ADAMTS7: variants seen among roughly 807,000 people sequenced by gnomAD.
ADAMTS7 encodes the protein ADAM metallopeptidase with thrombospondin type 1 motif 7.
ADAMTS7 carries 89 observed loss-of-function variants against 172.6 expected under a neutral mutation model. The observed-to-expected ratio is 0.52, with a 90% CI of 0.43 to 0.61. The LOEUF is 0.61. Ranked by LOEUF, ADAMTS7 falls within the 20% of genes least tolerant of loss-of-function variation. The pLI, the probability that ADAMTS7 is intolerant of heterozygous loss-of-function variation, is 0.00. For missense variants in ADAMTS7, 1,973 were observed against 2,355.6 expected (o/e 0.84, Z 3.36); for synonymous variants, 885 against 978.4 (o/e 0.90, Z 1.78).
At chr15:78,759,717 A>G (rs1641675128) in intron 23 of ADAMTS7, 139 bp from the exon 24 acceptor site, 4 of 1,148,946 alleles carry the variant, frequency 3.5e-6, no homozygotes, top group Non-Finnish European at 4.7e-6. Context: ...CGGCTCCCGA[A>G]CCGGAGTTGC....
chr15:78,787,347 G>A (rs1337232325), intron 8 of ADAMTS7, among the ~76,000 whole-genome samples: 112 of 106,268 alleles, frequency 1.1e-3, no homozygotes, highest in Admixed American at 1.9e-3. Context: ...TAGCAAATTT[G>A]AAAAAAAAAA....
At chr15:78,776,127 C>A (rs1162606654) in intron 11 of ADAMTS7, 61 bp downstream of exon 11, 2 of 1,534,530 alleles carry the variant, frequency 1.3e-6, no homozygotes, top group African/African-American at 1.4e-5. Context: ...CTCCTGCAAT[C>A]GGCTGACTGT....
In ADAMTS7 at chr15:78,796,594, T is replaced by C. The variant is rs763685721; in HGVS notation, c.815A>G (p.Asn272Ser). The change falls in exon 4 of 24, where the codon AAC (asparagine) becomes AGC (serine). Residue 272 changes from asparagine (N) to serine (S), a missense_variant. Asn to Ser is a conservative substitution (Grantham distance 46, BLOSUM62 1). Around this residue, in one of 8 missense-constraint regions of ADAMTS7, gnomAD observed 526 missense variants for 662.9 expected, o/e 0.79. Coordinates refer to ENST00000388820, the MANE Select transcript of ADAMTS7 (RefSeq NM_014272.5). Reference sequence around the variant, plus strand: ...TCCTGGCCCACACAGACTCACCATGTTCATGATGGTCAGCACATAGCTCTC... The same window carrying C: ...TCCTGGCCCACACAGACTCACCATGCTCATGATGGTCAGCACATAGCTCTC... ...QVESYVLTIM[N>S]MVAGLFHDPS... 1 of 1,607,730 alleles carries C rather than the reference T, an allele frequency of 6.2e-7. No homozygotes were observed. The highest frequency in any genetic ancestry group is 1.3e-5 in the African/African-American group (1 of 74,736).
chr15:78,803,699 C>T (rs1279948048), intron 1 of ADAMTS7, among the ~76,000 whole-genome samples: 1 of 152,242 alleles, frequency 6.6e-6, no homozygotes, highest in East Asian at 1.9e-4. Flanking sequence ...GTGATCCACT[C>T]ACCTCAGACT....
In ADAMTS7 at chr15:78,759,280, T is replaced by G; in HGVS notation, c.*141A>C. 12 of 695,958 alleles carry G rather than the reference T, an allele frequency of 1.7e-5. No individual in the cohort carries two copies. The highest frequency in any genetic ancestry group is 2.6e-5 in the Non-Finnish European group (12 of 458,258). The allele number at this position is 695,958 out of a possible 1,614,324, so 43.1% of individuals were successfully genotyped here. A position where few individuals can be genotyped will look rare whatever the true frequency, so the allele number is the denominator to read the frequency against. On this transcript the variant is annotated 3_prime_UTR_variant, in exon 24 of 24. Transcript: ENST00000388820. ...AAACTGTTAGAATAAAAAAATACCT[T>G]TTTTGAGGGGGAGGAGGTCCCCAGC...
At chr15:78,801,522 A>G (rs569247509) in intron 1 of ADAMTS7, among the ~76,000 whole-genome samples, 2 of 151,422 alleles carry the variant, frequency 1.3e-5, no homozygotes. Flanking sequence ...TAAAATTGCA[A>G]CTCCCTAGCT....
chr15:78,785,991 G>T (rs1320740665), intron 8 of ADAMTS7, among the ~76,000 whole-genome samples: 6 of 149,676 alleles, frequency 4.0e-5, no homozygotes, highest in Non-Finnish European at 6.0e-5. Context: ...GTGCAGTGGC[G>T]CGATCTTGGC....
chr15:78,808,878 T>C (rs1341897676), intron 1 of ADAMTS7, among the ~76,000 whole-genome samples: 1 of 152,204 alleles, frequency 6.6e-6, no homozygotes, highest in Non-Finnish European at 1.5e-5. Context: ...TCCTGCCACA[T>C]TGGGTGTTAA....
chr15:78,796,647 C>A lies in ADAMTS7; in HGVS notation c.762G>T (p.Met254Ile). ...CCTGCGGCTGTCCGTGGTACTCCACCATTTTGGCATCAGCTACTACCAGGG... is the reference window on the plus strand; with the variant it reads ...CCTGCGGCTGTCCGTGGTACTCCACAATTTTGGCATCAGCTACTACCAGGG... ...VETLVVADAK[M>I]VEYHGQPQVE... Residue 254 changes from methionine to isoleucine, a missense_variant, in exon 4 of 24, where the codon ATG becomes ATT. Transcript: ENST00000388820. 6.2e-7 allele frequency: 1 copy of A among 1,614,122 alleles called. No individual in the cohort carries two copies. The highest frequency in any genetic ancestry group is 8.5e-7 in the Non-Finnish European group (1 of 1,180,010).
At chr15:78,762,958 C>G (rs1170294056) in intron 22 of ADAMTS7, among the ~76,000 whole-genome samples, 1 of 152,204 alleles carries the variant, frequency 6.6e-6, no homozygotes, top group Non-Finnish European at 1.5e-5. Context: ...GAGGACCTGC[C>G]GCAGCCCATG....
At chr15:78,795,495 T>C (rs2055631283) in intron 4 of ADAMTS7, among the ~76,000 whole-genome samples, 3 of 152,162 alleles carry the variant, frequency 2.0e-5, no homozygotes, top group Admixed American at 1.3e-4. Flanking sequence ...CTTCCTCTCT[T>C]TGAGCCTCAG....
Position 78,774,674 on chromosome 15 carries a change from G to T in ADAMTS7, c.1826C>A (p.Ala609Asp), listed in dbSNP as rs746200440. Residue 609 changes from alanine (A) to aspartate (D), a missense_variant, in exon 12 of 24, where the codon GCT becomes GAT. By Grantham distance (126) the Ala-to-Asp change is moderately radical. Coordinates refer to ENST00000388820, the MANE Select transcript of ADAMTS7 (RefSeq NM_014272.5). ...FRHVQCSHFDAMLYKGQLHTW... is the reference protein window; with the variant it reads ...FRHVQCSHFDDMLYKGQLHTW... Reference sequence around the variant, plus strand: ...GTGCAGCTGGCCCTTGTAGAGCATAGCGTCAAAGTGGCTGCACTGGACGTG... The same window carrying T: ...GTGCAGCTGGCCCTTGTAGAGCATATCGTCAAAGTGGCTGCACTGGACGTG... 2 of 1,611,704 alleles carry T rather than the reference G, an allele frequency of 1.2e-6. No homozygotes were observed. The highest frequency in any genetic ancestry group is 1.7e-6 in the Non-Finnish European group (2 of 1,179,824).
Position 78,759,488 on chromosome 15 carries a change from C to A in ADAMTS7, c.4994G>T (p.Cys1665Phe). Residue 1665 changes from cysteine to phenylalanine, a missense_variant, in exon 24 of 24, where the codon TGC becomes TTC. By Grantham distance (205) the Cys-to-Phe change is radical. Transcript: ENST00000388820. ...GTGGCTGGGCGGAGAGCACGAGCGGCAGCACTGGGTGCGGATGGTGGGCAG... is the reference window on the plus strand; with the variant it reads ...GTGGCTGGGCGGAGAGCACGAGCGGAAGCACTGGGTGCGGATGGTGGGCAG... ...CQLPTIRTQC[C>F]RSCSPPSHGA... is the part of the protein sequence containing the mutation. 1 of 1,597,538 alleles carries A rather than the reference C, an allele frequency of 6.3e-7. No individual in the cohort carries two copies.
In ADAMTS7 at chr15:78,763,942, G is replaced by A; in HGVS notation, c.4577C>T (p.Thr1526Ile). 6.5e-7 allele frequency: 1 copy of A among 1,548,566 alleles called. No homozygotes were observed. The highest frequency in any genetic ancestry group is 8.7e-7 in the Non-Finnish European group (1 of 1,145,898). Residue 1526 changes from threonine to isoleucine, a missense_variant, in exon 21 of 24, where the codon ACA (threonine) becomes ATA (isoleucine). Physicochemically the swap from Thr to Ile is moderately conservative, Grantham distance 89. This residue lies in a region of ADAMTS7 where 218 missense variants were observed against 216.9 expected (regional missense o/e 1.01). Coordinates refer to ENST00000388820, the MANE Select transcript of ADAMTS7 (RefSeq NM_014272.5). ...AGGCCTCACCTCCCTCCAGGAAGAT[G>A]TGTACCAGCTGAGGCAGGGCTGGGC... Reference protein sequence around the residue: ...CGAQPCLSWYTSSWRECSEAC... With the variant: ...CGAQPCLSWYISSWRECSEAC...
intron 22 of ADAMTS7, among the ~76,000 whole-genome samples, chr15:78,763,146 AGAT>A (rs1473220016): frequency 6.6e-6 from 1 of 152,202 alleles, no homozygotes; most frequent in Non-Finnish European, 1.5e-5. Flanking sequence ...CCAGTTTTAC[AGAT>A]GAGAAAACAG....
At chr15:78,783,740 G>A (rs1333631035) in intron 8 of ADAMTS7, among the ~76,000 whole-genome samples, 2 of 152,182 alleles carry the variant, frequency 1.3e-5, no homozygotes, top group Non-Finnish European at 1.5e-5. Flanking sequence ...ATCAAAAGGT[G>A]CACAGGTTGA....
intron 2 of ADAMTS7, 73 bp from the exon 3 acceptor site, chr15:78,798,186 C>T (rs1022698403): frequency 2.3e-5 from 33 of 1,427,666 alleles, no homozygotes; most frequent in East Asian, 1.6e-4. Context: ...CCCAGAGGCC[C>T]GTCCTGCTCA....
chr15:78,791,206 A>G lies in ADAMTS7; in HGVS notation c.837T>C (p.His279=), dbSNP rs61753868. 1 of 1,613,250 alleles carries G rather than the reference A, an allele frequency of 6.2e-7. No individual in the cohort carries two copies. Among genetic ancestry groups the G allele is most frequent in the Non-Finnish European group, 8.5e-7 (1 of 1,179,644 alleles). Residue 279 remains histidine, a synonymous_variant, in exon 5 of 24, where the codon CAT becomes CAC. Coordinates refer to ENST00000388820, the MANE Select transcript of ADAMTS7 (RefSeq NM_014272.5). The part of the protein sequence containing the change: ...TIMNMVAGLF[H]DPSIGNPIHI... ...GGATGGGGTTCCCAATGCTGGGGTC[A>G]TGAAACAGGCCAGCCACCTGCCCAA...
chr15:78,766,561 G>A lies in ADAMTS7; in HGVS notation c.3350C>T (p.Pro1117Leu), dbSNP rs2055154607. The change falls in exon 19 of 24, where the codon CCT (proline) becomes CTT (leucine). Residue 1117 changes from proline (P) to leucine (L), a missense_variant. Transcript: ENST00000388820. ...TGSPVPATEP[P>L]AAKEEGVLGP... ...CAGTACCCCCTCCTCCTTGGCTGCA[G>A]GAGGCTCTGTGGCAGGCACGGGGCT... The A allele has an allele frequency of 6.2e-7, 1 of 1,603,030 alleles. No homozygotes were observed. Among genetic ancestry groups the A allele is most frequent in the Non-Finnish European group, 8.5e-7 (1 of 1,175,598 alleles).
Sources: gnomAD v4.1 joint callset for allele counts (sites outside exome capture counted in the v4.1 genomes callset) on GRCh38, gnomAD v4.1.1 for gene constraint, gnomAD v4.1.1 regional missense constraint, MANE v1.5 for transcripts, NCBI Gene and HGNC (gene_info 2026-07-23, HGNC 2026-07-21) for gene names.